Variants in SCN10A observed in about 807,000 individuals in gnomAD.
SCN10A encodes sodium channel protein type 10 subunit alpha.
Under a neutral mutation model 170.7 loss-of-function variants are expected in SCN10A, and 162 were observed. The ratio of observed to expected loss-of-function variants is 0.95; its 90% CI spans 0.84 to 1.08. The LOEUF (loss-of-function observed/expected upper bound fraction) is 1.08. Ranked by LOEUF, SCN10A falls within the 50% of genes least tolerant of loss-of-function variation. The pLI is 0.00. For missense variants in SCN10A, 2,527 were observed against 2,436.9 expected (o/e 1.04, Z -0.78); for synonymous variants, 985 against 904.6 (o/e 1.09, Z -1.59).
intron 10 of SCN10A, among the ~76,000 whole-genome samples, chr3:38,756,298 G>T (rs1226484386): frequency 2.0e-5 from 3 of 148,524 alleles, no homozygotes; most frequent in Non-Finnish European, 4.4e-5. Flanking sequence ...GGTATGGGGA[G>T]GGTAAAAAAA....
intron 1 of SCN10A, among the ~76,000 whole-genome samples, chr3:38,801,940 A>G (rs561421641): frequency 6.6e-6 from 1 of 152,162 alleles, no homozygotes; most frequent in African/African-American, 2.4e-5. Flanking sequence ...CTGTCTTTGG[A>G]CATATCCCCT....
intron 13 of SCN10A, among the ~76,000 whole-genome samples, chr3:38,747,788 C>A (rs12491593): frequency 6.6e-6 from 1 of 152,084 alleles, no homozygotes; most frequent in Non-Finnish European, 1.5e-5. Context: ...TTTGTGTCTG[C>A]GAACTTTCTC....
At chr3:38,802,700 A>G (rs1355405538) in intron 1 of SCN10A, among the ~76,000 whole-genome samples, 1 of 152,220 alleles carries the variant, frequency 6.6e-6, no homozygotes, top group African/African-American at 2.4e-5. Flanking sequence ...AAAATCCTAG[A>G]AGAAAACCTA....
At chr3:38,737,126 G>A (rs369497131) in intron 15 of SCN10A, among the ~76,000 whole-genome samples, 2,115 of 149,502 alleles carry the variant, frequency 0.014, 61 homozygotes, top group East Asian at 0.088. Context: ...GCCCGCCACC[G>A]TGCCCGGCTA....
intron 5 of SCN10A, among the ~76,000 whole-genome samples, chr3:38,764,278 T>A (rs2063907787): frequency 6.6e-6 from 1 of 152,146 alleles, no homozygotes; most frequent in Non-Finnish European, 1.5e-5. Flanking sequence ...CACAGAAAAA[T>A]TCTTTAACGC....
intron 4 of SCN10A, among the ~76,000 whole-genome samples, chr3:38,773,500 A>G (rs1303128756): frequency 1.3e-5 from 2 of 152,238 alleles, no homozygotes; most frequent in South Asian, 4.1e-4. Context: ...CCCATAGGAA[A>G]AAAATGATAC....
chr3:38,715,852 C>A (rs940110236), intron 21 of SCN10A, among the ~76,000 whole-genome samples: 1 of 152,166 alleles, frequency 6.6e-6, no homozygotes, highest in African/African-American at 2.4e-5. Context: ...AGTATTTATT[C>A]TGTGCTTCTG....
chr3:38,739,441 G>A lies in SCN10A; in HGVS notation c.2280+74C>T, dbSNP rs1302660330. The A allele has an allele frequency of 3.0e-6, 4 of 1,354,148 alleles. No homozygotes were observed. In the Admixed American group the frequency reaches 5.8e-5, roughly 20 times the overall value. The allele number at this position is 1,354,148 out of a possible 1,614,324, so 83.9% of individuals were successfully genotyped here. ...GGAGAGGAAGGGGGAGCTGGCTGGT[G>A]CAGTCCCCAGAGCACAGTGTCTTCC... On this transcript the variant is annotated intron_variant, in intron 15 of 27. Coordinates refer to ENST00000449082, the MANE Select transcript of SCN10A (RefSeq NM_006514.4).
chr3:38,754,975 T>G (rs1014621533), intron 11 of SCN10A, among the ~76,000 whole-genome samples: 2 of 152,128 alleles, frequency 1.3e-5, no homozygotes, highest in African/African-American at 4.8e-5. Flanking sequence ...TAAAAGGACT[T>G]TCAAGGGGCA....
At chr3:38,734,904 C>T (rs1559431823) in intron 15 of SCN10A, among the ~76,000 whole-genome samples, 1 of 152,146 alleles carries the variant, frequency 6.6e-6, no homozygotes, top group East Asian at 1.9e-4. Context: ...GCGTGGGTGG[C>T]TCATGCCTGT....
chr3:38,706,297 T>G (rs531051960), intron 26 of SCN10A, among the ~76,000 whole-genome samples: 1 of 152,248 alleles, frequency 6.6e-6, no homozygotes, highest in Non-Finnish European at 1.5e-5. Context: ...CATGTCTCCA[T>G]AATTCATTTA....
chr3:38,713,496 A>G (rs59790671), intron 22 of SCN10A, among the ~76,000 whole-genome samples: 9 of 152,252 alleles, frequency 5.9e-5, no homozygotes, highest in African/African-American at 1.9e-4. Flanking sequence ...TGTAATATTT[A>G]TGGGTGACAA....
chr3:38,800,192 A>G (rs1259833074), intron 1 of SCN10A, among the ~76,000 whole-genome samples: 1 of 152,178 alleles, frequency 6.6e-6, no homozygotes, highest in Non-Finnish European at 1.5e-5. Flanking sequence ...AGTTCTCTGC[A>G]GTAACCACTG....
chr3:38,722,232 G>C, intron 20 of SCN10A, 26 bp downstream of exon 20: 1 of 1,604,730 alleles, frequency 6.2e-7, no homozygotes, highest in Non-Finnish European at 8.5e-7. Flanking sequence ...GGAGGATTTG[G>C]GGGCAGGGAC....
rs1456404908 is a variant in SCN10A at position 38,793,943 on chromosome 3, T to C, written c.68A>G (p.Glu23Gly). The change falls in exon 2 of 28, where the codon GAG (glutamate) becomes GGG (glycine). Residue 23 changes from glutamate (E) to glycine (G), a missense_variant. Physicochemically the swap from Glu to Gly is moderately conservative, Grantham distance 98 (BLOSUM62 -2). Coordinates refer to ENST00000449082, the MANE Select transcript of SCN10A (RefSeq NM_006514.4). ...CTTGGCAGCAATTTGCTTCTCTATC[T>C]CCACCAGTGACTCCGGAGTAAAGCG... Reference protein sequence around the residue: ...FRRFTPESLVEIEKQIAAKQG... With the variant: ...FRRFTPESLVGIEKQIAAKQG... 4 of 1,614,010 alleles carry C rather than the reference T, an allele frequency of 2.5e-6. No individual in the cohort carries two copies. The South Asian group carries it at 4.4e-5, about 18-fold the overall frequency.
At chr3:38,725,968 C>T (rs1038712219) in intron 17 of SCN10A, among the ~76,000 whole-genome samples, 23 of 152,190 alleles carry the variant, frequency 1.5e-4, no homozygotes, top group African/African-American at 5.3e-4. Context: ...GGCCAGCAGC[C>T]CTGCATGTTC....
chr3:38,707,102 G>A (rs1327861208), intron 26 of SCN10A, among the ~76,000 whole-genome samples, 177 bp downstream of exon 26: 1 of 152,128 alleles, frequency 6.6e-6, no homozygotes, highest in African/African-American at 2.4e-5. Context: ...GACCAGAGTT[G>A]CTTCTTTTGA....
chr3:38,703,104 C>G (rs1295329268), intron 26 of SCN10A, among the ~76,000 whole-genome samples: 2 of 152,182 alleles, frequency 1.3e-5, no homozygotes, highest in Non-Finnish European at 2.9e-5. Context: ...TCACCACTGA[C>G]CCTTCCACAC....
At chr3:38,801,257 C>T (rs1452495497) in intron 1 of SCN10A, among the ~76,000 whole-genome samples, 2 of 152,112 alleles carry the variant, frequency 1.3e-5, no homozygotes, top group African/African-American at 2.4e-5. Flanking sequence ...TTACTCAAAT[C>T]CTCGATTCAC....
Sources: allele counts gnomAD v4.1 joint callset (sites outside exome capture counted in the v4.1 genomes callset), GRCh38; gene constraint gnomAD v4.1.1; transcripts MANE v1.5; gene names NCBI Gene and HGNC (gene_info 2026-07-23, HGNC 2026-07-21).